Variants in LRRC37A2 observed in about 807,000 individuals in gnomAD.
The protein encoded by LRRC37A2 is leucine rich repeat containing 37 member A2.
A neutral mutation model predicts 68.8 loss-of-function variants in LRRC37A2; 9 were observed. The observed-to-expected ratio is 0.13, with a 90% CI of 0.08 to 0.23. The LOEUF is 0.23. LRRC37A2 is among the 10% of genes least tolerant of loss of function. LRRC37A2 has a pLI of 1.00. For synonymous variants in LRRC37A2, 63 were observed against 367.6 expected (o/e 0.17, Z 9.48); for missense variants, 168 against 950.4 (o/e 0.18, Z 10.82).
chr17:46,819,107 C>T, the LRRC37A2 span, among the ~76,000 whole-genome samples: 3 of 152,128 alleles, frequency 2.0e-5, no homozygotes, highest in African/African-American at 4.8e-5. This position sits in a 1 kb window ranked among gnomAD's most constrained non-coding sequence, Gnocchi z 5.3. Context: ...GACGTGGGCC[C>T]GCGAGGAATC....
the LRRC37A2 span, among the ~76,000 whole-genome samples, chr17:47,000,802 G>T: frequency 6.6e-6 from 1 of 152,114 alleles, no homozygotes; most frequent in East Asian, 1.9e-4. Flanking sequence ...GGTGCCATCT[G>T]CAATCCTCCA....
chr17:46,896,353 G>GA, the LRRC37A2 span, among the ~76,000 whole-genome samples: 1 of 135,432 alleles, frequency 7.4e-6, no homozygotes, highest in Non-Finnish European at 1.6e-5. Flanking sequence ...AAGAAAGAAA[G>GA]AAAAAGAAAG....
At chr17:46,871,168 A>G in the LRRC37A2 span, among the ~76,000 whole-genome samples, 4 of 152,036 alleles carry the variant, frequency 2.6e-5, no homozygotes, top group Non-Finnish European at 5.9e-5. Flanking sequence ...TCAGCCTCCC[A>G]AAGTGTGGAA....
At chr17:46,424,713 T>C in the LRRC37A2 span, among the ~76,000 whole-genome samples, 1 of 114,758 alleles carries the variant, frequency 8.7e-6, no homozygotes, top group South Asian at 3.9e-4. Flanking sequence ...TCAGGCTAAT[T>C]AACATATCAC....
the LRRC37A2 span, among the ~76,000 whole-genome samples, chr17:46,895,228 A>C: frequency 6.6e-6 from 1 of 152,258 alleles, no homozygotes; most frequent in Non-Finnish European, 1.5e-5. Context: ...GTCAGTGCGG[A>C]GGCTGCTAGC....
At chr17:46,743,207 C>T in the LRRC37A2 span, among the ~76,000 whole-genome samples, 1 of 152,150 alleles carries the variant, frequency 6.6e-6, no homozygotes, top group Non-Finnish European at 1.5e-5. Flanking sequence ...GGCCTCTCTG[C>T]GTCATTTGCT....
the LRRC37A2 span, among the ~76,000 whole-genome samples, chr17:46,856,965 A>G: frequency 6.6e-6 from 1 of 152,280 alleles, no homozygotes; most frequent in Non-Finnish European, 1.5e-5. Context: ...GCTTTCAGTC[A>G]CTATGTGTTA....
intron 8 of LRRC37A2, among the ~76,000 whole-genome samples, chr17:46,542,290 CTA>C (rs1341117560): frequency 2.7e-5 from 4 of 147,616 alleles, no homozygotes; most frequent in East Asian, 2.0e-4. Flanking sequence ...AGATTTTCTC[CTA>C]TGTCTTCTCC....
At chr17:46,765,598 G>A in the LRRC37A2 span, among the ~76,000 whole-genome samples, 5 of 152,226 alleles carry the variant, frequency 3.3e-5, no homozygotes, top group Non-Finnish European at 7.3e-5. Flanking sequence ...AACAGCTAAC[G>A]ACTCTGTCCC....
chr17:46,456,210 A>ATG, the LRRC37A2 span, among the ~76,000 whole-genome samples: 31,798 of 90,380 alleles, frequency 0.35, 8,077 homozygotes, highest in South Asian at 0.45. Flanking sequence ...TCCATGGGAT[A>ATG]TGTGTGTGTG....
the LRRC37A2 span, among the ~76,000 whole-genome samples, chr17:46,908,466 G>A: frequency 7.9e-5 from 12 of 152,102 alleles, no homozygotes; most frequent in African/African-American, 1.9e-4. Flanking sequence ...TCCGAGAACC[G>A]GCATCGGTCT....
chr17:46,884,074 C>G, the LRRC37A2 span, among the ~76,000 whole-genome samples: 1 of 152,108 alleles, frequency 6.6e-6, no homozygotes, highest in Non-Finnish European at 1.5e-5. Flanking sequence ...CCTGACCCAG[C>G]GTCCGAATTC....
chr17:47,001,950 G>A, the LRRC37A2 span, among the ~76,000 whole-genome samples: 1 of 151,992 alleles, frequency 6.6e-6, no homozygotes. Flanking sequence ...TGTTGGCCAG[G>A]CTGGTCTTGA....
chr17:46,801,641 T>G, the LRRC37A2 span, among the ~76,000 whole-genome samples: 1 of 147,524 alleles, frequency 6.8e-6, no homozygotes, highest in Admixed American at 6.8e-5. Flanking sequence ...TGAATTGAAT[T>G]GAATTAAATT....
chr17:46,973,630 A>G, the LRRC37A2 span, among the ~76,000 whole-genome samples: 4 of 152,186 alleles, frequency 2.6e-5, no homozygotes, highest in African/African-American at 9.7e-5. Flanking sequence ...CAATGCTGTC[A>G]TCTCAGAGGC....
chr17:46,768,288 C>T, the LRRC37A2 span: 3 of 1,612,346 alleles, frequency 1.9e-6, no homozygotes, highest in Middle Eastern at 1.8e-4. The surrounding 1 kb of genome is among the most constrained non-coding windows in gnomAD (Gnocchi z 5.0). Flanking sequence ...CTCCCAGCCT[C>T]CCCCCTGCTT....
At chr17:46,880,942 A>G in the LRRC37A2 span, among the ~76,000 whole-genome samples, 1 of 152,204 alleles carries the variant, frequency 6.6e-6, no homozygotes, top group Admixed American at 6.5e-5. Context: ...GATGAAGCCA[A>G]CCAGGGGCCT....
the LRRC37A2 span, among the ~76,000 whole-genome samples, chr17:47,002,359 A>G: frequency 1.2e-4 from 18 of 150,174 alleles, no homozygotes; most frequent in African/African-American, 4.4e-4. Flanking sequence ...AAACAATCCA[A>G]TTATACACTC....
the LRRC37A2 span, among the ~76,000 whole-genome samples, chr17:46,908,212 T>C: frequency 1.3e-4 from 18 of 137,450 alleles, no homozygotes; most frequent in South Asian, 1.1e-3. Flanking sequence ...CTCTGTGAGG[T>C]CTGGCTTGTG....
Sources: gnomAD v4.1 joint callset for allele counts (sites outside exome capture counted in the v4.1 genomes callset) on GRCh38, gnomAD v4.1.1 for gene constraint, Gnocchi (gnomAD v3.1) non-coding constraint, MANE v1.5 for transcripts, NCBI Gene and HGNC (gene_info 2026-07-23, HGNC 2026-07-21) for gene names.